The following BLK variants were observed in gnomAD, a reference collection of about 807,000 sequenced individuals.
BLK encodes BLK proto-oncogene, Src family tyrosine kinase.
In BLK, 64 loss-of-function variants were observed where a neutral mutation model predicts 61.8. The ratio of observed to expected loss-of-function variants is 1.03; its 90% CI spans 0.85 to 1.27. The LOEUF (loss-of-function observed/expected upper bound fraction) is 1.27. BLK is among the 50% of genes most tolerant of loss of function. The probability of loss-of-function intolerance (pLI) is 0.00; values close to 1 mark genes in which losing one functional copy is unlikely to be tolerated. For missense variants in BLK, 853 were observed against 660.5 expected (o/e 1.29, Z -3.19); for synonymous variants, 351 against 272.0 (o/e 1.29, Z -2.86).
rs1200873961 is a variant in BLK, at chr8:11,564,082, G to C, written c.1492G>C (p.Glu498Gln). 6.3e-7 allele frequency: 1 copy of C among 1,589,170 alleles called. No individual in the cohort carries two copies. The highest frequency in any genetic ancestry group is 1.3e-5 in the African/African-American group (1 of 74,710). Residue 498 changes from glutamate to glutamine, a missense_variant, in exon 13 of 13, where the codon GAG (glutamate) becomes CAG (glutamine). By Grantham distance (29) the Glu-to-Gln change is conservative. Coordinates refer to ENST00000259089, the MANE Select transcript of BLK (RefSeq NM_001715.3). Reference protein sequence around the residue: ...SVLEDFYTATERQYELQP With the variant: ...SVLEDFYTATQRQYELQP ...GCTGGAGGACTTCTACACGGCCACC[G>C]AGCGGCAGTACGAGCTGCAGCCCTA...
intron 8 of BLK, chr8:11,555,782 C>T (rs758366001): frequency 2.4e-4 from 114 of 469,798 alleles, no homozygotes; most frequent in Middle Eastern, 1.3e-3. Flanking sequence ...TGAGCTGCAG[C>T]GGCGCGTTAA....
chr8:11,521,095 A>C (rs908694221), intron 1 of BLK, among the ~76,000 whole-genome samples: 5 of 152,246 alleles, frequency 3.3e-5, no homozygotes, highest in Non-Finnish European at 5.9e-5. Context: ...AGGAAAAGAC[A>C]GAGTCCAGAA....
chr8:11,557,836 G>A (rs1334854896), intron 9 of BLK, 126 bp from the exon 10 acceptor site: 10 of 767,410 alleles, frequency 1.3e-5, no homozygotes, highest in African/African-American at 6.8e-5. Context: ...CTGATGCACC[G>A]AGAGATCTGA....
rs11779639 is a variant in BLK at position 11,547,740 on chromosome 8, G to A, written c.176-292G>A. Among the ~76,000 whole-genome samples, 64,249 of 151,996 alleles carry A rather than the reference G, an allele frequency of 0.42. 14,359 individuals carry two copies. The highest frequency in any genetic ancestry group is 0.49 in the Non-Finnish European group (33,507 of 67,932). ...GTGGGCCTGAGGCCACCAGCAGCCCGGCAGTGGCTGCCTCCCTGTGGCTGA... is the reference window on the plus strand; with the variant it reads ...GTGGGCCTGAGGCCACCAGCAGCCCAGCAGTGGCTGCCTCCCTGTGGCTGA... On this transcript the variant is annotated intron_variant, in intron 3 of 12. Coordinates refer to ENST00000259089, the MANE Select transcript of BLK (RefSeq NM_001715.3).
chr8:11,563,388 A>T (rs1419786238), intron 12 of BLK, among the ~76,000 whole-genome samples: 1 of 152,164 alleles, frequency 6.6e-6, no homozygotes, highest in Non-Finnish European at 1.5e-5. Context: ...GTTTACTCCC[A>T]GTGGCTTGTT....
intron 6 of BLK, among the ~76,000 whole-genome samples, chr8:11,551,841 C>G (rs904289040): frequency 6.6e-6 from 1 of 152,126 alleles, no homozygotes; most frequent in Admixed American, 6.5e-5. Context: ...TGCTGGGGGC[C>G]AACAGTAAGC....
chr8:11,501,164 G>T (rs113341809), intron 1 of BLK, among the ~76,000 whole-genome samples: 2 of 152,048 alleles, frequency 1.3e-5, no homozygotes, highest in African/African-American at 2.4e-5. Context: ...TGAGACTGCC[G>T]CTGCACTCCA....
chr8:11,560,687 G>A (rs1801467261), intron 10 of BLK: 2 of 365,202 alleles, frequency 5.5e-6, no homozygotes, highest in African/African-American at 4.2e-5. Flanking sequence ...CTGTCCACCT[G>A]GATCTGCCAG....
chr8:11,561,152 G>T, intron 10 of BLK, 150 bp from the exon 11 acceptor site: 2 of 1,157,372 alleles, frequency 1.7e-6, no homozygotes, highest in Non-Finnish European at 1.3e-6. Flanking sequence ...AGTTTATTCG[G>T]CTGAGGAGCA....
At chr8:11,504,856 C>T (rs939659723) in intron 1 of BLK, among the ~76,000 whole-genome samples, 19 of 152,136 alleles carry the variant, frequency 1.2e-4, no homozygotes, top group African/African-American at 3.9e-4. Flanking sequence ...AAGGATTTTA[C>T]GACAAGAAAC....
chr8:11,526,061 C>T (rs1259123571), intron 1 of BLK, among the ~76,000 whole-genome samples: 1 of 152,190 alleles, frequency 6.6e-6, no homozygotes, highest in Non-Finnish European at 1.5e-5. Context: ...GTGTGAGCCA[C>T]CGCACCCAGC....
chr8:11,533,335 G>A (rs1199595528), intron 1 of BLK, among the ~76,000 whole-genome samples: 1 of 152,104 alleles, frequency 6.6e-6, no homozygotes, highest in African/African-American at 2.4e-5. Context: ...CCTCAAACCC[G>A]ATGGAGGTGC....
chr8:11,555,086 C>A (rs1801134545), intron 7 of BLK, among the ~76,000 whole-genome samples, 197 bp downstream of exon 7: 1 of 152,158 alleles, frequency 6.6e-6, no homozygotes, highest in African/African-American at 2.4e-5. Context: ...CAGCAGGGAA[C>A]CCCTTAGAGA....
chr8:11,498,664 G>T (rs747531493), intron 1 of BLK, among the ~76,000 whole-genome samples: 2 of 152,206 alleles, frequency 1.3e-5, no homozygotes, highest in Non-Finnish European at 2.9e-5. Flanking sequence ...CCCTGGCAAT[G>T]TGAGCAAGTC....
chr8:11,502,676 A>G (rs1434085012), intron 1 of BLK, among the ~76,000 whole-genome samples: 1 of 152,210 alleles, frequency 6.6e-6, no homozygotes, highest in Non-Finnish European at 1.5e-5. Flanking sequence ...GCTCTAGCAT[A>G]CCGGCACAAG....
intron 1 of BLK, among the ~76,000 whole-genome samples, chr8:11,504,904 AAGGGG>A (rs1339074021): frequency 6.6e-6 from 1 of 152,224 alleles, no homozygotes; most frequent in East Asian, 1.9e-4. Context: ...TGTTTCAGGC[AAGGGG>A]GTAATGGATA....
chr8:11,541,941 G>A (rs1434515216), intron 1 of BLK, among the ~76,000 whole-genome samples: 2 of 152,092 alleles, frequency 1.3e-5, no homozygotes, highest in Non-Finnish European at 2.9e-5. Context: ...AAAAAGTGTT[G>A]GTCTTTAAAA....
In BLK at chr8:11,530,539, C is replaced by G. The variant is rs548828577; in HGVS notation, c.-1-12685C>G. On this transcript the variant is annotated intron_variant, in intron 1 of 12. Transcript: ENST00000259089. ...AAAACACATTCTTATTGAACTTACT[C>G]AAGTAACTATATTGCCTTATGTTAA... is the stretch of plus-strand genomic sequence containing the variant. Among the ~76,000 whole-genome samples, 4 of 152,318 alleles carry G rather than the reference C, an allele frequency of 2.6e-5. No individual in the cohort carries two copies. The South Asian group carries it at 8.3e-4, about 32-fold the overall frequency.
In BLK at chr8:11,564,285, AC is replaced by A. The variant is rs570307048; in HGVS notation, c.*182del. ...CCGGACGGACTCCTTCACCGACTGC[AC>A]CCCCGGGCGAGTTACGCGGCCTCTC... On this transcript the variant is annotated 3_prime_UTR_variant, in exon 13 of 13. Coordinates refer to ENST00000259089, the MANE Select transcript of BLK (RefSeq NM_001715.3). The A allele has an allele frequency of 1.0e-5, 8 of 775,496 alleles. No individual in the cohort carries two copies. The East Asian group carries it at 1.3e-4, about 13-fold the overall frequency. 48.0% of individuals were successfully genotyped at this position (775,496 alleles called of 1,614,324 possible). A position where few individuals can be genotyped will look rare whatever the true frequency, so the allele number is the denominator to read the frequency against.
Sources: gnomAD v4.1 joint callset for allele counts (sites outside exome capture counted in the v4.1 genomes callset) on GRCh38, gnomAD v4.1.1 for gene constraint, MANE v1.5 for transcripts, NCBI Gene and HGNC (gene_info 2026-07-23, HGNC 2026-07-21) for gene names.